Variants in KCNK1 observed in about 807,000 individuals in gnomAD.
The protein encoded by KCNK1 is potassium channel subfamily K member 1.
KCNK1 carries 10 observed loss-of-function variants against 22.2 expected under a neutral mutation model. The observed-to-expected ratio is 0.45, with a 90% CI of 0.28 to 0.76. The LOEUF (loss-of-function observed/expected upper bound fraction) is 0.76, where lower values mean the gene tolerates loss of function less well. Ranked by LOEUF, KCNK1 falls within the 30% of genes least tolerant of loss-of-function variation. KCNK1 has a pLI of 0.14. For missense variants in KCNK1, 378 were observed against 421.0 expected, an observed-to-expected ratio of 0.90 and a Z score of 0.89; for synonymous variants, 200 against 186.4, an observed-to-expected ratio of 1.07 and a Z score of -0.60.
chr1:233,659,409 A>AT (rs537647908), intron 1 of KCNK1, among the ~76,000 whole-genome samples: 8 of 148,934 alleles, frequency 5.4e-5, no homozygotes, highest in Non-Finnish European at 7.4e-5. Flanking sequence ...TACATTTGAC[A>AT]TTTTTTTTAT....
At position 233,645,778 on chromosome 1, in the gene KCNK1, G is replaced by A. The variant is rs1225929486; in HGVS notation, c.356-20817G>A. On this transcript the variant is annotated intron_variant, in intron 1 of 2. Coordinates refer to ENST00000366621, the MANE Select transcript of KCNK1 (RefSeq NM_002245.4). ...TGGAATCATGGGGGAAATAACAGAA[G>A]CTGATAAATTAATCCAAGAGAAAAA... Among the ~76,000 whole-genome samples the A allele has an allele frequency of 2.0e-5, 3 of 152,194 alleles. No homozygotes were observed. The East Asian group carries it at 5.8e-4, about 29-fold the overall frequency.
chr1:233,669,089 G>T (rs979627465), intron 2 of KCNK1, among the ~76,000 whole-genome samples: 2 of 152,148 alleles, frequency 1.3e-5, no homozygotes, highest in Non-Finnish European at 2.9e-5. Context: ...AGCACTCCTG[G>T]GGTGGTGATG....
chr1:233,649,428 G>A (rs1048030433), intron 1 of KCNK1, among the ~76,000 whole-genome samples: 2 of 152,156 alleles, frequency 1.3e-5, no homozygotes, highest in African/African-American at 4.8e-5. Context: ...GAAGAAATAT[G>A]TCTTAATGTA....
intron 1 of KCNK1, among the ~76,000 whole-genome samples, chr1:233,663,872 C>T (rs1658443523): frequency 6.6e-6 from 1 of 151,976 alleles, no homozygotes; most frequent in African/African-American, 2.4e-5. Context: ...CGCTGTGTCA[C>T]CCAGGCTGGA....
At chr1:233,643,415 G>A (rs1658037072) in intron 1 of KCNK1, among the ~76,000 whole-genome samples, 1 of 152,114 alleles carries the variant, frequency 6.6e-6, no homozygotes, top group African/African-American at 2.4e-5. Flanking sequence ...ATGAGCTCAC[G>A]GTTTTGCATT....
intron 1 of KCNK1, among the ~76,000 whole-genome samples, chr1:233,657,913 A>T (rs1658328378): frequency 6.6e-6 from 1 of 152,198 alleles, no homozygotes; most frequent in Non-Finnish European, 1.5e-5. Flanking sequence ...ACCAGCTTAG[A>T]GAGAATGGAG....
At chr1:233,632,509 G>C (rs1657818954) in intron 1 of KCNK1, among the ~76,000 whole-genome samples, 1 of 152,106 alleles carries the variant, frequency 6.6e-6, no homozygotes. Flanking sequence ...GCTGCCAACA[G>C]TTCTTGTCAG....
At chr1:233,666,287 C>T (rs1658487426) in intron 1 of KCNK1, among the ~76,000 whole-genome samples, 2 of 152,106 alleles carry the variant, frequency 1.3e-5, no homozygotes, top group African/African-American at 4.8e-5. Flanking sequence ...GGGTGTGGGC[C>T]TTAGCTTCTT....
In KCNK1 at chr1:233,672,220, C is replaced by T. The variant is rs1658612776; in HGVS notation, c.*690C>T. The stretch of plus-strand genomic sequence containing the variant: ...ACAATAAAATAAGGGGAATAATAAA[C>T]TTGAGAGTGAATAACCATAGTATTC... On this transcript the variant is annotated 3_prime_UTR_variant, in exon 3 of 3. Coordinates refer to ENST00000366621, the MANE Select transcript of KCNK1 (RefSeq NM_002245.4). The T allele has an allele frequency of 6.6e-6, 1 of 152,470 alleles. No individual in the cohort carries two copies. Among genetic ancestry groups the T allele is most frequent in the Non-Finnish European group, 1.5e-5 (1 of 68,010 alleles). 9.4% of individuals were successfully genotyped at this position (152,470 alleles called of 1,614,324 possible).
chr1:233,670,920 A>C (rs1007458244), intron 2 of KCNK1, among the ~76,000 whole-genome samples: 3 of 152,236 alleles, frequency 2.0e-5, no homozygotes, highest in Non-Finnish European at 2.9e-5. Flanking sequence ...CAGAGGTGGC[A>C]AACCCTCCTT....
chr1:233,668,103 A>G (rs1280078140), intron 2 of KCNK1, among the ~76,000 whole-genome samples: 1 of 152,184 alleles, frequency 6.6e-6, no homozygotes. Flanking sequence ...GAAACTGTTC[A>G]TTTCTGTGTG....
chr1:233,638,976 T>G (rs959903201), intron 1 of KCNK1, among the ~76,000 whole-genome samples: 1 of 152,180 alleles, frequency 6.6e-6, no homozygotes, highest in African/African-American at 2.4e-5. Context: ...AATTAAAAAA[T>G]AAGCCTAGGG....
At chr1:233,627,047 G>A (rs1657701023) in intron 1 of KCNK1, among the ~76,000 whole-genome samples, 1 of 151,984 alleles carries the variant, frequency 6.6e-6, no homozygotes, top group Non-Finnish European at 1.5e-5. Flanking sequence ...CATTTTAGGA[G>A]TGTGTCAGGT....
chr1:233,615,457 G>C (rs1657471390), intron 1 of KCNK1, among the ~76,000 whole-genome samples: 1 of 152,204 alleles, frequency 6.6e-6, no homozygotes, highest in African/African-American at 2.4e-5. Context: ...GACCTAGTAA[G>C]GCACATACCC....
chr1:233,670,012 C>A (rs1168717227), intron 2 of KCNK1, among the ~76,000 whole-genome samples: 2 of 152,182 alleles, frequency 1.3e-5, no homozygotes, highest in African/African-American at 4.8e-5. Flanking sequence ...TTCCCTACTT[C>A]ATACATTTTC....
At chr1:233,639,663 C>T (rs373422432) in intron 1 of KCNK1, among the ~76,000 whole-genome samples, 5 of 152,194 alleles carry the variant, frequency 3.3e-5, no homozygotes, top group East Asian at 3.8e-4. Flanking sequence ...AGAGTTGATG[C>T]TTCTTAAGCT....
chr1:233,642,451 G>A (rs2102896021), intron 1 of KCNK1, among the ~76,000 whole-genome samples: 1 of 152,330 alleles, frequency 6.6e-6, no homozygotes, highest in South Asian at 2.1e-4. Context: ...GCCCTGAGGG[G>A]CTTGAAGACA....
At chr1:233,663,655 G>T (rs918102199) in intron 1 of KCNK1, among the ~76,000 whole-genome samples, 7 of 152,138 alleles carry the variant, frequency 4.6e-5, no homozygotes, top group Non-Finnish European at 8.8e-5. Context: ...GGCCTTCGTG[G>T]AGTCCAACTG....
rs564498483 is a variant in KCNK1, at chr1:233,665,197, A to C, written c.356-1398A>C. ...ACAGAAATGACCGGGGGGTGGGGGA[A>C]ATGTGTCAGTTTATGAATGTGCCAT... On this transcript the variant is annotated intron_variant, in intron 1 of 2. Coordinates refer to ENST00000366621, the MANE Select transcript of KCNK1 (RefSeq NM_002245.4). 1.2e-3 allele frequency among the ~76,000 whole-genome samples: 186 copies of C among 152,312 alleles called. 1 individual carries two copies. Among genetic ancestry groups the C allele is most frequent in the African/African-American group, 4.1e-3 (171 of 41,568 alleles).
Sources: gnomAD v4.1 joint callset for allele counts (sites outside exome capture counted in the v4.1 genomes callset) on GRCh38, gnomAD v4.1.1 for gene constraint, MANE v1.5 for transcripts, NCBI Gene and HGNC (gene_info 2026-07-23, HGNC 2026-07-21) for gene names.